Variants in CASZ1 observed in about 807,000 individuals in gnomAD.
The protein encoded by CASZ1 is zinc finger protein castor homolog 1.
Under a neutral mutation model 135.2 loss-of-function variants are expected in CASZ1, and 28 were observed. The ratio of observed to expected loss-of-function variants is 0.21; its 90% CI spans 0.15 to 0.28. CASZ1 has a LOEUF of 0.28. Ranked by LOEUF, CASZ1 falls within the 10% of genes least tolerant of loss-of-function variation. The pLI is 1.00. For missense variants in CASZ1, 2,161 were observed against 2,453.3 expected (o/e 0.88, Z 2.52); for synonymous variants, 1,068 against 1,073.4 (o/e 0.99, Z 0.10).
chr1:10,650,327 C>T lies in CASZ1; in HGVS notation c.2880+365G>A, dbSNP rs972148222. 2.0e-5 allele frequency: 3 copies of T among 153,358 alleles called. No individual in the cohort carries two copies. The Admixed American group carries it at 2.0e-4, about 10-fold the overall frequency. The allele number at this position is 153,358 out of a possible 1,614,324, so 9.5% of individuals were successfully genotyped here. A position where few individuals can be genotyped will look rare whatever the true frequency, so the allele number is the denominator to read the frequency against. ...AGTGGAAATTGATGTTTTGCTCCCA[C>T]TTTAGTCCCCCCTCCCCCATCCCCT... On this transcript the variant is annotated intron_variant, in intron 13 of 20. Transcript: ENST00000377022.
In CASZ1 at chr1:10,639,990, G is replaced by C. The variant is rs757735053; in HGVS notation, c.4232C>G (p.Pro1411Arg). 2.5e-6 allele frequency: 4 copies of C among 1,612,684 alleles called. No individual in the cohort carries two copies. Among genetic ancestry groups the C allele is most frequent in the Non-Finnish European group, 3.4e-6 (4 of 1,180,016 alleles). The change falls in exon 21 of 21, where the codon CCC (proline) becomes CGC (arginine). Residue 1411 changes from proline (P) to arginine (R), a missense_variant. Pro to Arg is a moderately radical substitution (Grantham distance 103). Around this residue, in one of 7 missense-constraint regions of CASZ1, gnomAD observed 143 missense variants for 128.3 expected, o/e 1.11. Transcript: ENST00000377022. The surrounding 1 kb of genome is among the most constrained non-coding windows in gnomAD (Gnocchi z 4.0). The part of the protein sequence containing the change: ...KRFWIIEDMS[P>R]FGKRRKTASS... Reference sequence around the variant, plus strand: ...CGCCGTCTTCCGCCGCTTGCCGAAGGGCGACATGTCCTCGATGATCCAGAA... The same window carrying C: ...CGCCGTCTTCCGCCGCTTGCCGAAGCGCGACATGTCCTCGATGATCCAGAA...
chr1:10,640,116 A>C (rs1287036030), intron 20 of CASZ1, 57 bp from the exon 21 acceptor site: 3 of 1,553,544 alleles, frequency 1.9e-6, no homozygotes, highest in Non-Finnish European at 1.7e-6. Context: ...CACCATCAAC[A>C]GGGTTACACC....
Position 10,646,100 on chromosome 1 carries a change from C to T in CASZ1, c.3696+28G>A, listed in dbSNP as rs939558334. 12 of 1,610,488 alleles carry T rather than the reference C, an allele frequency of 7.5e-6. No homozygotes were observed. The highest frequency in any genetic ancestry group is 1.0e-5 in the Non-Finnish European group (12 of 1,177,480). ...CTGCACCTCCCTGCCCCCTACTCTG[C>T]CCCTGCGCCGTGTACCGCCATGCTG... On this transcript the variant is annotated intron_variant, in intron 17 of 20. Transcript: ENST00000377022. The surrounding 1 kb of genome is among the most constrained non-coding windows in gnomAD (Gnocchi z 6.4).
intron 1 of CASZ1, among the ~76,000 whole-genome samples, chr1:10,766,716 C>T (rs746521419): frequency 6.6e-6 from 1 of 152,204 alleles, no homozygotes; most frequent in Non-Finnish European, 1.5e-5. Flanking sequence ...AAGAGGAAAA[C>T]GATACTAGTT....
chr1:10,678,552 C>A (rs1244692069), intron 4 of CASZ1, among the ~76,000 whole-genome samples: 1 of 152,172 alleles, frequency 6.6e-6, no homozygotes, highest in African/African-American at 2.4e-5. Context: ...CCACCCAGCT[C>A]CCCCACCCGT....
intron 2 of CASZ1, among the ~76,000 whole-genome samples, chr1:10,713,771 CCT>C (rs1639328487): frequency 6.6e-6 from 1 of 151,708 alleles, no homozygotes; most frequent in South Asian, 2.1e-4. Context: ...GGGACAGCCA[CCT>C]CTCACATGCT....
Position 10,650,990 on chromosome 1 carries a change from G to A in CASZ1, c.2767C>T (p.His923Tyr), listed in dbSNP as rs992438537. The change falls in exon 12 of 21, where the codon CAC becomes TAC. Residue 923 changes from histidine to tyrosine, a missense_variant. Transcript: ENST00000377022. ...PGESTGAPGP[H>Y]EASQDRSLDL... ...AGACTGCGGTCCTGGGAGGCTTCGT[G>A]GGGGCCTGGGGCGCCGGTGCTCTCA... 6.3e-7 allele frequency: 1 copy of A among 1,575,876 alleles called. No individual in the cohort carries two copies. The highest frequency in any genetic ancestry group is 8.5e-7 in the Non-Finnish European group (1 of 1,169,892).
At chr1:10,733,556 C>T (rs1639741792) in intron 2 of CASZ1, among the ~76,000 whole-genome samples, 1 of 152,178 alleles carries the variant, frequency 6.6e-6, no homozygotes, top group Admixed American at 6.5e-5. Flanking sequence ...TCCCTGCTCT[C>T]AGAGGTGAGC....
chr1:10,688,607 C>A (rs142971523), intron 4 of CASZ1, among the ~76,000 whole-genome samples: 1 of 152,332 alleles, frequency 6.6e-6, no homozygotes, highest in Non-Finnish European at 1.5e-5. Flanking sequence ...GCAGACGCTG[C>A]CAACACAGGG....
rs752499360 is a variant in CASZ1, at chr1:10,643,177, G to C, written c.4003C>G (p.Arg1335Gly). The C allele has an allele frequency of 1.2e-6, 2 of 1,611,600 alleles. No individual in the cohort carries two copies. The highest frequency in any genetic ancestry group is 1.7e-6 in the Non-Finnish European group (2 of 1,179,878). Residue 1335 changes from arginine to glycine, a missense_variant, in exon 19 of 21, where the codon CGC becomes GGC. Physicochemically the swap from Arg to Gly is moderately radical, Grantham distance 125 (BLOSUM62 -2). Coordinates refer to ENST00000377022, the MANE Select transcript of CASZ1 (RefSeq NM_001079843.3). The stretch of plus-strand genomic sequence containing the variant: ...GCTCTCACCTGGGAGGGGGGCACGC[G>C]GTCGAAGTTCTTCCCCAGCATCCTC... ...MRRMLGKNFDRVPPSQGPPGL... is the reference protein window; with the variant it reads ...MRRMLGKNFDGVPPSQGPPGL...
chr1:10,639,118 C>A lies in CASZ1; in HGVS notation c.5104G>T (p.Asp1702Tyr). The A allele has an allele frequency of 8.7e-7, 1 of 1,153,380 alleles. No homozygotes were observed. Among genetic ancestry groups the A allele is most frequent in the Non-Finnish European group, 1.1e-6 (1 of 915,126 alleles). The allele number at this position is 1,153,380 out of a possible 1,614,324, so 71.4% of individuals were successfully genotyped here. A position where few individuals can be genotyped will look rare whatever the true frequency, so the allele number is the denominator to read the frequency against. ...TCGTCCTCGTCGTCGTCCTCGTCGT[C>A]GTCGTCCTCGTCGTCGTCCTCGTCC... ...DEDEDDDEDD[D>Y]DEDDDEDDDD... The change falls in exon 21 of 21, where the codon GAC (aspartate) becomes TAC (tyrosine). Residue 1702 changes from aspartate to tyrosine, a missense_variant. Transcript: ENST00000377022. The surrounding 1 kb of genome is among the most constrained non-coding windows in gnomAD (Gnocchi z 4.0).
chr1:10,781,938 C>T (rs1640769965), intron 1 of CASZ1, among the ~76,000 whole-genome samples: 1 of 152,220 alleles, frequency 6.6e-6, no homozygotes, highest in African/African-American at 2.4e-5. Context: ...TACCACTATC[C>T]TCCCAGCATA....
chr1:10,703,975 C>T (rs576115110), intron 3 of CASZ1, among the ~76,000 whole-genome samples: 37 of 152,310 alleles, frequency 2.4e-4, no homozygotes, highest in East Asian at 7.7e-4. Flanking sequence ...TTTCAGGACA[C>T]GGAATGGCTG....
intron 2 of CASZ1, among the ~76,000 whole-genome samples, chr1:10,749,795 T>C (rs552689313): frequency 1.4e-4 from 22 of 152,172 alleles, no homozygotes; most frequent in Non-Finnish European, 2.5e-4. Context: ...TGTTAAAAGA[T>C]GACCTTACAT....
At chr1:10,775,457 G>A (rs569600347) in intron 1 of CASZ1, among the ~76,000 whole-genome samples, 2 of 152,234 alleles carry the variant, frequency 1.3e-5, no homozygotes, top group Non-Finnish European at 2.9e-5. Flanking sequence ...AGGCATGCGG[G>A]GGGATTGAGA....
At chr1:10,771,337 G>A (rs961373390) in intron 1 of CASZ1, among the ~76,000 whole-genome samples, 1 of 151,938 alleles carries the variant, frequency 6.6e-6, no homozygotes, top group Non-Finnish European at 1.5e-5. Context: ...TATTATTATG[G>A]ATTTTTGGTT....
Position 10,697,247 on chromosome 1 carries a change from C to G in CASZ1, c.-23-3335G>C, listed in dbSNP as rs892920757. Among the ~76,000 whole-genome samples, 1 of 152,050 alleles carries G rather than the reference C, an allele frequency of 6.6e-6. No homozygotes were observed. Among genetic ancestry groups the G allele is most frequent in the African/African-American group, 2.4e-5 (1 of 41,384 alleles). Reference sequence around the variant, plus strand: ...AGGGGCCCCCAGATTATGCGCCCCCCCCTTCTCTCTCTTTCTCTCTGAGTG... The same window carrying G: ...AGGGGCCCCCAGATTATGCGCCCCCGCCTTCTCTCTCTTTCTCTCTGAGTG... On this transcript the variant is annotated intron_variant, in intron 3 of 20. Transcript: ENST00000377022. The surrounding 1 kb of genome is among the most constrained non-coding windows in gnomAD (Gnocchi z 4.7).
At chr1:10,722,889 G>C (rs987621441) in intron 2 of CASZ1, among the ~76,000 whole-genome samples, 11 of 152,374 alleles carry the variant, frequency 7.2e-5, no homozygotes, top group Admixed American at 2.6e-4. Context: ...CCCAGAAACA[G>C]GCCCAACAGG....
Position 10,699,254 on chromosome 1 carries a change from T to C in CASZ1, c.-23-5342A>G, listed in dbSNP as rs1469575686. The stretch of plus-strand genomic sequence containing the variant: ...CCCTCTCCTGGGAAGTCAACGGCCC[T>C]GAACTGGCCAGGAGGAACGCCCTTG... On this transcript the variant is annotated intron_variant, in intron 3 of 20. Coordinates refer to ENST00000377022, the MANE Select transcript of CASZ1 (RefSeq NM_001079843.3). This position sits in a 1 kb window ranked among gnomAD's most constrained non-coding sequence, Gnocchi z 4.6. Among the ~76,000 whole-genome samples the C allele has an allele frequency of 2.0e-5, 3 of 152,224 alleles. No individual in the cohort carries two copies. Among genetic ancestry groups the C allele is most frequent in the Non-Finnish European group, 4.4e-5 (3 of 68,046 alleles).
Sources: allele counts gnomAD v4.1 joint callset (sites outside exome capture counted in the v4.1 genomes callset), GRCh38; gene constraint gnomAD v4.1.1; regional missense constraint gnomAD v4.1.1; non-coding constraint Gnocchi (gnomAD v3.1); transcripts MANE v1.5; gene names NCBI Gene and HGNC (gene_info 2026-07-23, HGNC 2026-07-21).